RASAL2: variants seen among roughly 807,000 people sequenced by gnomAD.
RASAL2 encodes ras GTPase-activating protein nGAP.
A neutral mutation model predicts 128.9 loss-of-function variants in RASAL2; 58 were observed. The ratio of observed to expected loss-of-function variants is 0.45; its 90% CI spans 0.36 to 0.56. The LOEUF (loss-of-function observed/expected upper bound fraction) is 0.56. Among genes scored for constraint, RASAL2 ranks in the 20% least tolerant of loss-of-function variants. The pLI is 0.00. For missense variants in RASAL2, 1,360 were observed against 1,601.6 expected (o/e 0.85, Z 2.57); for synonymous variants, 561 against 580.8 (o/e 0.97, Z 0.49).
chr1:178,373,004 CT>C (rs1244298701), intron 3 of RASAL2, among the ~76,000 whole-genome samples: 2 of 151,966 alleles, frequency 1.3e-5, no homozygotes, highest in Non-Finnish European at 2.9e-5. Flanking sequence ...AATACTTTCC[CT>C]AGATTAATTA....
At chr1:178,269,852 G>T (rs995740042) in intron 1 of RASAL2, among the ~76,000 whole-genome samples, 1 of 152,054 alleles carries the variant, frequency 6.6e-6, no homozygotes, top group African/African-American at 2.4e-5. Flanking sequence ...TTTGCACTGC[G>T]GACTCGCCCT....
Position 178,203,126 on chromosome 1 carries a change from G to A in RASAL2, c.203-80438G>A, listed in dbSNP as rs183745773. 2.3e-3 allele frequency among the ~76,000 whole-genome samples: 348 copies of A among 152,304 alleles called. 3 individuals carry two copies. Among genetic ancestry groups the A allele is most frequent in the South Asian group, 7.3e-3 (35 of 4,814 alleles). ...CTGGAATAGACACTTACTCTGGATA[G>A]GGGCTTGCCTATCCTGCACATAATG... On this transcript the variant is annotated intron_variant, in intron 1 of 17. Coordinates refer to ENST00000367649, the MANE Select transcript of RASAL2 (RefSeq NM_170692.4).
rs1676642965 is a variant in RASAL2, at chr1:178,441,416, AT to A, written c.829-132del. 1.7e-5 allele frequency: 10 copies of A among 572,352 alleles called. No individual in the cohort carries two copies. The South Asian group carries it at 2.2e-4, about 13-fold the overall frequency. 35.5% of individuals were successfully genotyped at this position (572,352 alleles called of 1,614,324 possible). A position where few individuals can be genotyped will look rare whatever the true frequency, so the allele number is the denominator to read the frequency against. On this transcript the variant is annotated intron_variant, in intron 6 of 17. Transcript: ENST00000367649. ...ATCTGAGACCATGTTTTTCTTATCT[AT>A]CCATCCATCCATCCTAATTCCAGGA...
At chr1:178,320,854 T>A (rs1668737342) in intron 3 of RASAL2, among the ~76,000 whole-genome samples, 1 of 152,164 alleles carries the variant, frequency 6.6e-6, no homozygotes, top group Admixed American at 6.5e-5. Flanking sequence ...TTCGTAAAAT[T>A]TACTCAATTT....
At chr1:178,337,059 C>T (rs1193170163) in intron 3 of RASAL2, among the ~76,000 whole-genome samples, 1 of 151,318 alleles carries the variant, frequency 6.6e-6, no homozygotes, top group Non-Finnish European at 1.5e-5. Context: ...ATAATACTTC[C>T]TCCTAGCCAA....
chr1:178,469,005 G>C (rs764354589), intron 17 of RASAL2, among the ~76,000 whole-genome samples: 2 of 152,180 alleles, frequency 1.3e-5, no homozygotes, highest in Non-Finnish European at 2.9e-5. Flanking sequence ...TGGTTTAAAA[G>C]TATCAGTCTT....
intron 1 of RASAL2, among the ~76,000 whole-genome samples, chr1:178,167,147 TAA>T (rs1328867667): frequency 1.3e-5 from 2 of 152,126 alleles, no homozygotes; most frequent in African/African-American, 4.8e-5. Context: ...CTTTAGGCTT[TAA>T]TAATATGTAC....
intron 1 of RASAL2, among the ~76,000 whole-genome samples, chr1:178,211,116 GA>G (rs1240488650): frequency 6.6e-6 from 1 of 152,148 alleles, no homozygotes; most frequent in Non-Finnish European, 1.5e-5. Context: ...AGTTTCTGAG[GA>G]CCTCTTCTAG....
Position 178,094,509 on chromosome 1 carries a change from C to T in RASAL2, c.17C>T (p.Ser6Leu), listed in dbSNP as rs761376854. The change falls in exon 1 of 18, where the codon TCG becomes TTG. Residue 6 changes from serine to leucine, a missense_variant. Ser to Leu is a moderately radical substitution (Grantham distance 145, BLOSUM62 -2). This residue lies in a region of RASAL2 where 617 missense variants were observed against 714.2 expected (regional missense o/e 0.86). Coordinates refer to ENST00000367649, the MANE Select transcript of RASAL2 (RefSeq NM_170692.4). ...CGGGGCACCATGGAGCTCTCTCCGT[C>T]GTCCGGAGGAGCCGCGGAGGCGCTG... is the stretch of plus-strand genomic sequence containing the variant. Reference protein sequence around the residue: MELSPSSGGAAEALSW... With the variant: MELSPLSGGAAEALSW... 5.3e-5 allele frequency: 83 copies of T among 1,560,004 alleles called. No individual in the cohort carries two copies. Among genetic ancestry groups the T allele is most frequent in the Non-Finnish European group, 6.6e-5 (76 of 1,153,574 alleles).
intron 1 of RASAL2, among the ~76,000 whole-genome samples, chr1:178,145,829 C>T (rs1660715746): frequency 6.6e-6 from 1 of 152,144 alleles, no homozygotes; most frequent in South Asian, 2.1e-4. Context: ...TGACTCCACC[C>T]TTCAGTTAAG....
chr1:178,162,373 A>T (rs1165465926), intron 1 of RASAL2, among the ~76,000 whole-genome samples: 1 of 119,996 alleles, frequency 8.3e-6, no homozygotes, highest in Non-Finnish European at 1.6e-5. Flanking sequence ...TACATATAAT[A>T]TATATTTATA....
At chr1:178,107,359 A>G (rs781590555) in intron 1 of RASAL2, among the ~76,000 whole-genome samples, 2 of 152,164 alleles carry the variant, frequency 1.3e-5, no homozygotes, top group Non-Finnish European at 2.9e-5. Flanking sequence ...TGCCTCTTTG[A>G]GACCCATGTG....
chr1:178,154,905 C>T (rs316248), intron 1 of RASAL2, among the ~76,000 whole-genome samples: 104,049 of 151,998 alleles, frequency 0.68, 37,944 homozygotes, highest in East Asian at 0.8. Flanking sequence ...CTCACTGCAA[C>T]CTCTGCCTTC....
chr1:178,439,230 A>G (rs1453384314), intron 5 of RASAL2, among the ~76,000 whole-genome samples, 192 bp from the exon 6 acceptor site: 1 of 152,030 alleles, frequency 6.6e-6, no homozygotes, highest in Non-Finnish European at 1.5e-5. Context: ...ACTCACATAG[A>G]TATATAGAGA....
chr1:178,351,189 C>T lies in RASAL2; in HGVS notation c.458-38911C>T, dbSNP rs114091018. 8.7e-3 allele frequency among the ~76,000 whole-genome samples: 1,326 copies of T among 152,260 alleles called. 14 individuals are homozygous for T. The highest frequency in any genetic ancestry group is 0.016 in the Non-Finnish European group (1,069 of 68,032). On this transcript the variant is annotated intron_variant, in intron 3 of 17. Coordinates refer to ENST00000367649, the MANE Select transcript of RASAL2 (RefSeq NM_170692.4). ...TCACCTCCCACCAGGCTCCATTTCC[C>T]GCATTAGGGATTATAATTTGACATG...
At chr1:178,311,398 A>C (rs1182476068) in intron 3 of RASAL2, among the ~76,000 whole-genome samples, 1 of 152,124 alleles carries the variant, frequency 6.6e-6, no homozygotes, top group African/African-American at 2.4e-5. Flanking sequence ...CCTTTACCAC[A>C]GAATCTTTAA....
chr1:178,207,863 C>G (rs1411012897), intron 1 of RASAL2, among the ~76,000 whole-genome samples: 2 of 152,064 alleles, frequency 1.3e-5, no homozygotes, highest in Admixed American at 1.3e-4. Flanking sequence ...CTATAGCATC[C>G]CCCATATAGC....
chr1:178,335,600 C>T (rs1029564490), intron 3 of RASAL2, among the ~76,000 whole-genome samples: 4 of 152,232 alleles, frequency 2.6e-5, no homozygotes, highest in South Asian at 2.1e-4. Context: ...CTGGCCCCTC[C>T]GTATTCTCGG....
At chr1:178,409,153 G>A (rs967320281) in intron 4 of RASAL2, among the ~76,000 whole-genome samples, 3 of 152,158 alleles carry the variant, frequency 2.0e-5, no homozygotes, top group East Asian at 3.9e-4. Context: ...TGCATCATGG[G>A]AGAGGATTTC....
Sources: allele counts gnomAD v4.1 joint callset (sites outside exome capture counted in the v4.1 genomes callset), GRCh38; gene constraint gnomAD v4.1.1; regional missense constraint gnomAD v4.1.1; transcripts MANE v1.5; gene names NCBI Gene and HGNC (gene_info 2026-07-23, HGNC 2026-07-21).